The following RAB44 variants were observed in gnomAD, a reference collection of about 807,000 sequenced individuals.
RAB44 encodes ras-related protein Rab-44.
Under a neutral mutation model 93.3 loss-of-function variants are expected in RAB44, and 67 were observed. The ratio of observed to expected loss-of-function variants is 0.72; its 90% CI spans 0.59 to 0.88. RAB44 has a LOEUF of 0.88. Ranked by LOEUF, RAB44 falls within the 40% of genes least tolerant of loss-of-function variation. The probability of loss-of-function intolerance (pLI) is 0.00; values close to 1 mark genes in which losing one functional copy is unlikely to be tolerated. For missense variants in RAB44, 1,064 were observed against 1,261.7 expected (o/e 0.84, Z 2.37); for synonymous variants, 427 against 520.3 (o/e 0.82, Z 2.44).
chr6:36,702,654 C>A (rs1293936958), intron 1 of RAB44, among the ~76,000 whole-genome samples: 1 of 152,258 alleles, frequency 6.6e-6, no homozygotes, highest in Non-Finnish European at 1.5e-5. Flanking sequence ...TCCTGCAGAA[C>A]CTGCACAAGC....
At chr6:36,708,069 A>G (rs1045323681) in intron 2 of RAB44, among the ~76,000 whole-genome samples, 2 of 152,068 alleles carry the variant, frequency 1.3e-5, no homozygotes, top group Non-Finnish European at 2.9e-5. Flanking sequence ...AAAATTAGCC[A>G]GGTGTGGTGG....
chr6:36,709,877 C>T (rs1316047959), intron 2 of RAB44, among the ~76,000 whole-genome samples: 2 of 152,108 alleles, frequency 1.3e-5, no homozygotes, highest in South Asian at 2.1e-4. Context: ...GCACTTTTAA[C>T]CAGTGTAATT....
rs1240945554 is a variant in RAB44, at chr6:36,718,067, TGAG to T, written c.685_687del (p.Glu229del). 9 of 1,231,864 alleles carry T rather than the reference TGAG, an allele frequency of 7.3e-6. No homozygotes were observed. Among genetic ancestry groups the T allele is most frequent in the Non-Finnish European group, 9.1e-6 (9 of 987,958 alleles). The allele number at this position is 1,231,864 out of a possible 1,614,324, so 76.3% of individuals were successfully genotyped here. On this transcript the variant is annotated inframe_deletion, in exon 6 of 14. Transcript: ENST00000612677. ...ACCACCGCGAGGTCCAGCAGCTCTATGAGGAGATGGAGCAGCAGATCCGCCAGG... is the reference window on the plus strand; with the variant it reads ...ACCACCGCGAGGTCCAGCAGCTCTATGAGATGGAGCAGCAGATCCGCCAGG...
In RAB44 at chr6:36,728,778, G is replaced by C; in HGVS notation, c.2875G>C (p.Glu959Gln). Residue 959 changes from glutamate to glutamine, a missense_variant, in exon 12 of 14, where the codon GAA becomes CAA. Transcript: ENST00000612677. ...DCEEERQVSV[E>Q]AGQQLAQELG... Reference sequence around the variant, plus strand: ...TGAGGAGGAACGGCAAGTGTCCGTGGAAGCTGGGCAGCAACTGGCCCAGGT... The same window carrying C: ...TGAGGAGGAACGGCAAGTGTCCGTGCAAGCTGGGCAGCAACTGGCCCAGGT... 6.4e-7 allele frequency: 1 copy of C among 1,550,604 alleles called. No homozygotes were observed. Among genetic ancestry groups the C allele is most frequent in the Non-Finnish European group, 8.7e-7 (1 of 1,146,986 alleles).
rs750785452 is a variant in RAB44, at chr6:36,715,520, A to G, written c.361A>G (p.Arg121Gly). 9.4e-5 allele frequency: 145 copies of G among 1,536,050 alleles called. No homozygotes were observed. Among genetic ancestry groups the G allele is most frequent in the Non-Finnish European group, 1.2e-4 (141 of 1,146,914 alleles). ...CAGCCAGAGCCCCCACAGGCTCCGC[A>G]GAAGGAAGCCACTGCCCTCTAAGCG... Reference protein sequence around the residue: ...GSSQSPHRLRRRKPLPSKRVS... With the variant: ...GSSQSPHRLRGRKPLPSKRVS... The change falls in exon 4 of 14, where the codon AGA becomes GGA. Residue 121 changes from arginine to glycine, a missense_variant. Coordinates refer to ENST00000612677, the MANE Select transcript of RAB44 (RefSeq NM_001257357.2).
rs867392698 is a variant in RAB44 at position 36,722,262 on chromosome 6, C to T, written c.2128C>T (p.Leu710Phe). Residue 710 changes from leucine (L) to phenylalanine (F), a missense_variant, in exon 9 of 14, where the codon CTC becomes TTC. Physicochemically the swap from Leu to Phe is conservative, Grantham distance 22 (BLOSUM62 0). Transcript: ENST00000612677. ...CGGCCTAGAAACTGCGCATTCGGAA[C>T]TCCCCCAGCAAGACTCTCTGCTTGT... ...AHGLETAHSE[L>F]PQQDSLLVSL... The T allele has an allele frequency of 7.8e-7, 1 of 1,275,250 alleles. No homozygotes were observed. 79.0% of individuals were successfully genotyped at this position (1,275,250 alleles called of 1,614,324 possible).
intron 1 of RAB44, among the ~76,000 whole-genome samples, chr6:36,699,540 C>T (rs1422871453): frequency 6.6e-6 from 1 of 152,180 alleles, no homozygotes; most frequent in Non-Finnish European, 1.5e-5. Context: ...CCTGTCAACG[C>T]CCACCCCGTT....
In RAB44 at chr6:36,704,229, A is replaced by T; in HGVS notation, c.-7A>T. The T allele has an allele frequency of 3.3e-6, 5 of 1,535,610 alleles. No individual in the cohort carries two copies. Among genetic ancestry groups the T allele is most frequent in the Non-Finnish European group, 4.4e-6 (5 of 1,146,450 alleles). The stretch of plus-strand genomic sequence containing the variant: ...CCTCACTCCTCTGTCCCCAGGGCCA[A>T]CGCACCATGGAGACTGGACAGAGAA... On this transcript the variant is annotated 5_prime_UTR_variant, in exon 2 of 14. Transcript: ENST00000612677.
chr6:36,716,632 C>G (rs1410588543), intron 4 of RAB44, among the ~76,000 whole-genome samples: 2 of 152,100 alleles, frequency 1.3e-5, no homozygotes, highest in Non-Finnish European at 2.9e-5. Context: ...CAAGATTCCT[C>G]ACGCTTGGCT....
At chr6:36,723,522 A>C (rs6901067) in intron 9 of RAB44, among the ~76,000 whole-genome samples, 2,065 of 152,182 alleles carry the variant, frequency 0.014, 41 homozygotes, top group African/African-American at 0.045. Context: ...GTGGCCACTG[A>C]ACCCTGTACA....
rs1455258289 is a variant in RAB44 at position 36,704,307 on chromosome 6, G to A, written c.72G>A (p.Glu24=). The change falls in exon 2 of 14, where the codon GAG becomes GAA. Residue 24 remains glutamate, a synonymous_variant. Coordinates refer to ENST00000612677, the MANE Select transcript of RAB44 (RefSeq NM_001257357.2). ...CCAACCGGCGGCGGCAGACAAGAGA[G>A]CCAGCTGATGGTGAAGGCGCTGCAG... ...LGSNRRRQTR[E]PADGEGAAVA... is the part of the protein sequence containing the mutation. The A allele has an allele frequency of 6.5e-6, 10 of 1,536,178 alleles. No individual in the cohort carries two copies. Among genetic ancestry groups the A allele is most frequent in the South Asian group, 1.2e-5 (1 of 84,068 alleles).
In RAB44 at chr6:36,732,136, C is replaced by T. The variant is rs1334843556; in HGVS notation, c.*43C>T. Reference sequence around the variant, plus strand: ...GGTAGGATGGACACCCATGGGGTTTCCTGTCCCTCAGCTCCTGTCCTTTGT... The same window carrying T: ...GGTAGGATGGACACCCATGGGGTTTTCTGTCCCTCAGCTCCTGTCCTTTGT... On this transcript the variant is annotated 3_prime_UTR_variant, in exon 14 of 14. Coordinates refer to ENST00000612677, the MANE Select transcript of RAB44 (RefSeq NM_001257357.2). The T allele has an allele frequency of 8.5e-7, 1 of 1,182,608 alleles. No homozygotes were observed. 73.3% of individuals were successfully genotyped at this position (1,182,608 alleles called of 1,614,324 possible).
chr6:36,705,286 A>G (rs189218010), intron 2 of RAB44, among the ~76,000 whole-genome samples: 1 of 152,224 alleles, frequency 6.6e-6, no homozygotes, highest in Non-Finnish European at 1.5e-5. Flanking sequence ...CTGTTCTACT[A>G]GTAACTTCAG....
In RAB44 at chr6:36,713,898, G is replaced by C. The variant is rs182380217; in HGVS notation, c.278G>C (p.Arg93Pro). ...EMIFDWVDVE[R>P]KGHLSLEEFS... ...ATCTTCGACTGGGTGGATGTGGAGC[G>C]GAAGGGACACCTGTCCCTTGAAGAA... The change falls in exon 3 of 14, where the codon CGG becomes CCG. Residue 93 changes from arginine to proline, a missense_variant. Coordinates refer to ENST00000612677, the MANE Select transcript of RAB44 (RefSeq NM_001257357.2). 5 of 1,535,912 alleles carry C rather than the reference G, an allele frequency of 3.3e-6. No individual in the cohort carries two copies. The highest frequency in any genetic ancestry group is 3.5e-6 in the Non-Finnish European group (4 of 1,146,692).
At chr6:36,705,567 G>A (rs2150325527) in intron 2 of RAB44, among the ~76,000 whole-genome samples, 1 of 152,180 alleles carries the variant, frequency 6.6e-6, no homozygotes, top group East Asian at 1.9e-4. Flanking sequence ...ATGTTTAGTA[G>A]AGACGGGGTT....
In RAB44 at chr6:36,717,545, G is replaced by A. The variant is rs141015651; in HGVS notation, c.641+126G>A. 1.7e-4 allele frequency: 180 copies of A among 1,075,914 alleles called. No homozygotes were observed. The East Asian group carries it at 5.5e-3, about 33-fold the overall frequency. The allele number at this position is 1,075,914 out of a possible 1,614,324, so 66.6% of individuals were successfully genotyped here. Reference sequence around the variant, plus strand: ...TGTGAGCTGGATAGGGCAGAGCTGCGCTGGAGGAAGAGGTGGCTCAGGGGA... The same window carrying A: ...TGTGAGCTGGATAGGGCAGAGCTGCACTGGAGGAAGAGGTGGCTCAGGGGA... On this transcript the variant is annotated intron_variant, in intron 5 of 13. Coordinates refer to ENST00000612677, the MANE Select transcript of RAB44 (RefSeq NM_001257357.2). This position sits in a 1 kb window ranked among gnomAD's most constrained non-coding sequence, Gnocchi z 4.1.
intron 11 of RAB44, 39 bp downstream of exon 11, chr6:36,727,730 A>T: frequency 4.7e-6 from 6 of 1,288,518 alleles, no homozygotes; most frequent in Non-Finnish European, 6.6e-6. Context: ...CAGTCCCTCC[A>T]GTCAAGAGGG....
rs1762847282 is a variant in RAB44 at position 36,713,908 on chromosome 6, C to A, written c.288C>A (p.His96Gln). 5 of 1,534,398 alleles carry A rather than the reference C, an allele frequency of 3.3e-6. No homozygotes were observed. In the African/African-American group the frequency reaches 4.1e-5, roughly 13 times the overall value. Reference protein sequence around the residue: ...FDWVDVERKGHLSLEEFSSGL... With the variant: ...FDWVDVERKGQLSLEEFSSGL... The stretch of plus-strand genomic sequence containing the variant: ...GGGTGGATGTGGAGCGGAAGGGACA[C>A]CTGTCCCTTGAAGAATTCAGCTCTG... Residue 96 changes from histidine to glutamine, a missense_variant, in exon 3 of 14, where the codon CAC becomes CAA. Coordinates refer to ENST00000612677, the MANE Select transcript of RAB44 (RefSeq NM_001257357.2).
chr6:36,698,332 G>A (rs754983869), intron 1 of RAB44, among the ~76,000 whole-genome samples: 3 of 152,170 alleles, frequency 2.0e-5, no homozygotes, highest in South Asian at 2.1e-4. Context: ...AGTTCTGAGC[G>A]CCCTTTGGTG....
Sources: allele counts gnomAD v4.1 joint callset (sites outside exome capture counted in the v4.1 genomes callset), GRCh38; gene constraint gnomAD v4.1.1; non-coding constraint Gnocchi (gnomAD v3.1); transcripts MANE v1.5; gene names NCBI Gene and HGNC (gene_info 2026-07-23, HGNC 2026-07-21).